Variants in SMG6 observed in about 807,000 individuals in gnomAD.
The protein encoded by SMG6 is SMG6 nonsense mediated mRNA decay factor, also known as telomerase-binding protein EST1A.
Under a neutral mutation model 142.2 loss-of-function variants are expected in SMG6, and 66 were observed. That is an observed-to-expected ratio of 0.46 (90% CI 0.38 to 0.57). The LOEUF is 0.57. Among genes scored for constraint, SMG6 ranks in the 20% least tolerant of loss-of-function variants. SMG6 has a pLI of 0.00. For missense variants in SMG6, 1,793 were observed against 1,832.0 expected (o/e 0.98, Z 0.39); for synonymous variants, 779 against 702.4 (o/e 1.11, Z -1.72).
chr17:2,182,724 C>T (rs541809722), intron 12 of SMG6, among the ~76,000 whole-genome samples: 1 of 152,196 alleles, frequency 6.6e-6, no homozygotes, highest in African/African-American at 2.4e-5. Flanking sequence ...CATAATCTAT[C>T]CCCCAGCATT....
intron 13 of SMG6, among the ~76,000 whole-genome samples, chr17:2,093,739 C>A (rs2068786064): frequency 6.6e-6 from 1 of 152,140 alleles, no homozygotes; most frequent in Admixed American, 6.5e-5. Context: ...GTCATCATGG[C>A]TTGCAGCAGG....
chr17:2,293,048 G>T, intron 4 of SMG6, 71 bp from the exon 5 acceptor site: 1 of 1,089,130 alleles, frequency 9.2e-7, no homozygotes, highest in South Asian at 1.2e-5. Flanking sequence ...GACAGGGATG[G>T]GGTGAAAATG....
At chr17:2,193,744 A>G (rs1018034948) in intron 10 of SMG6, among the ~76,000 whole-genome samples, 1 of 152,268 alleles carries the variant, frequency 6.6e-6, no homozygotes, top group Admixed American at 6.5e-5. Flanking sequence ...ACTACATATC[A>G]TAAGGAAGAT....
At chr17:2,121,514 G>C (rs543451515) in intron 13 of SMG6, among the ~76,000 whole-genome samples, 2 of 151,606 alleles carry the variant, frequency 1.3e-5, no homozygotes, top group South Asian at 4.2e-4. Flanking sequence ...GTGGAGATAA[G>C]GGATTATAAT....
chr17:2,127,264 T>TGTGTAATGG (rs1329696645), intron 13 of SMG6, among the ~76,000 whole-genome samples: 1 of 152,068 alleles, frequency 6.6e-6, no homozygotes, highest in Non-Finnish European at 1.5e-5. Flanking sequence ...GAGGAGTTAC[T>TGTGTAATGG]GTGTAATGGT....
rs185405559 is a variant in SMG6, at chr17:2,265,465, G to A, written c.2661+17182C>T. Among the ~76,000 whole-genome samples the A allele has an allele frequency of 9.8e-3, 1,489 of 152,004 alleles. 26 individuals carry two copies. The highest frequency in any genetic ancestry group is 0.034 in the African/African-American group (1,402 of 41,480). ...GCGGAGGTTGCAGTGAGCTGAGATT[G>A]CGCCACTGCACTCCAGCCTGGACAA... On this transcript the variant is annotated intron_variant, in intron 8 of 18. Coordinates refer to ENST00000263073, the MANE Select transcript of SMG6 (RefSeq NM_017575.5).
intron 9 of SMG6, among the ~76,000 whole-genome samples, chr17:2,243,287 G>A (rs748067641): frequency 2.0e-5 from 3 of 152,156 alleles, no homozygotes; most frequent in Non-Finnish European, 2.9e-5. Context: ...TCCACCGCCC[G>A]TGGAGCAGAG....
chr17:2,190,015 C>T (rs1455419189), intron 10 of SMG6, among the ~76,000 whole-genome samples: 1 of 152,114 alleles, frequency 6.6e-6, no homozygotes, highest in African/African-American at 2.4e-5. Flanking sequence ...TGTTAAGGCC[C>T]TAAACCTCTG....
At chr17:2,218,127 C>G (rs2073070265) in intron 10 of SMG6, among the ~76,000 whole-genome samples, 1 of 152,166 alleles carries the variant, frequency 6.6e-6, no homozygotes, top group African/African-American at 2.4e-5. Context: ...CCCCCACAGA[C>G]AGCCTACTCT....
chr17:2,196,997 A>T (rs958782748), intron 10 of SMG6, among the ~76,000 whole-genome samples: 1 of 152,256 alleles, frequency 6.6e-6, no homozygotes, highest in Non-Finnish European at 1.5e-5. Flanking sequence ...ATCTCATAAT[A>T]GATCGAAGAC....
intron 8 of SMG6, among the ~76,000 whole-genome samples, chr17:2,247,564 G>T (rs1024839807): frequency 2.6e-5 from 4 of 152,216 alleles, no homozygotes; most frequent in African/African-American, 7.2e-5. Context: ...AAGGCAGGTA[G>T]ATCATCTGCG....
Position 2,292,921 on chromosome 17 carries a change from A to G in SMG6, c.2208T>C (p.Ala736=), listed in dbSNP as rs773323426. The part of the protein sequence containing the change: ...QRCMICQGDI[A]RYREQASDTA... Reference sequence around the variant, plus strand: ...TATCACTGGCTTGCTCCCGGTACCTAGCAATATCTCCTTGGCATATCATGC... The same window carrying G: ...TATCACTGGCTTGCTCCCGGTACCTGGCAATATCTCCTTGGCATATCATGC... Residue 736 remains alanine, a synonymous_variant, in exon 5 of 19, where the codon GCT becomes GCC. Coordinates refer to ENST00000263073, the MANE Select transcript of SMG6 (RefSeq NM_017575.5). 9.3e-6 allele frequency: 15 copies of G among 1,614,042 alleles called. No individual in the cohort carries two copies. In the East Asian group the frequency reaches 1.1e-4, roughly 12 times the overall value.
At chr17:2,069,514 T>G (rs2068041040) in intron 15 of SMG6, among the ~76,000 whole-genome samples, 1 of 151,294 alleles carries the variant, frequency 6.6e-6, no homozygotes, top group Non-Finnish European at 1.5e-5. Context: ...GAGGATTGCC[T>G]GAGCTCTGGA....
intron 13 of SMG6, among the ~76,000 whole-genome samples, chr17:2,121,953 C>T (rs1039814165): frequency 2.0e-5 from 3 of 152,100 alleles, no homozygotes; most frequent in African/African-American, 7.2e-5. Context: ...CATGCTTCAG[C>T]TTCCTGAATA....
At chr17:2,182,756 C>G (rs1445028669) in intron 12 of SMG6, among the ~76,000 whole-genome samples, 5 of 152,096 alleles carry the variant, frequency 3.3e-5, no homozygotes, top group South Asian at 2.1e-4. Flanking sequence ...GAGAAGAACA[C>G]TGGAGATGCT....
intron 13 of SMG6, among the ~76,000 whole-genome samples, chr17:2,122,733 C>T (rs2069742741): frequency 6.6e-6 from 1 of 152,146 alleles, no homozygotes; most frequent in South Asian, 2.1e-4. Context: ...GGCTTAAAAC[C>T]TCAAGATACT....
rs372216053 is a variant in SMG6 at position 2,165,899 on chromosome 17, T to C, written c.3357+6759A>G. Among the ~76,000 whole-genome samples the C allele has an allele frequency of 2.7e-4, 41 of 152,160 alleles. No homozygotes were observed. The South Asian group carries it at 8.1e-3, about 30-fold the overall frequency. On this transcript the variant is annotated intron_variant, in intron 13 of 18. Coordinates refer to ENST00000263073, the MANE Select transcript of SMG6 (RefSeq NM_017575.5). ...CATTCTGGGTGACAGAGTGAGACAC[T>C]GTCTCAAAAACACAAAGAAACAAAC...
chr17:2,175,914 A>G (rs1469449687), intron 12 of SMG6, among the ~76,000 whole-genome samples: 1 of 152,152 alleles, frequency 6.6e-6, no homozygotes. Flanking sequence ...CTCAGTTCAC[A>G]TTCATATCAT....
chr17:2,194,153 G>T (rs114359268), intron 10 of SMG6, among the ~76,000 whole-genome samples: 1,932 of 152,220 alleles, frequency 0.013, 37 homozygotes, highest in African/African-American at 0.044. Context: ...GTGGATGCAG[G>T]GGGGACCACA....
Sources: allele counts gnomAD v4.1 joint callset (sites outside exome capture counted in the v4.1 genomes callset), GRCh38; gene constraint gnomAD v4.1.1; transcripts MANE v1.5; gene names NCBI Gene and HGNC (gene_info 2026-07-23, HGNC 2026-07-21).